Variants in EIF3A observed in about 807,000 individuals in gnomAD.
EIF3A encodes eukaryotic translation initiation factor 3 subunit A, also known as EIF3, p180 subunit.
A neutral mutation model predicts 186.6 loss-of-function variants in EIF3A; 21 were observed. The ratio of observed to expected loss-of-function variants is 0.11; its 90% confidence interval spans 0.08 to 0.16. EIF3A has a LOEUF of 0.16. EIF3A is among the 10% of genes least tolerant of loss of function. The probability of loss-of-function intolerance (pLI) is 1.00; values close to 1 mark genes in which losing one functional copy is unlikely to be tolerated. For missense variants in EIF3A, 1,306 were observed against 1,796.3 expected (o/e 0.73, Z 4.93); for synonymous variants, 563 against 584.3 (o/e 0.96, Z 0.52).
intron 14 of EIF3A, among the ~76,000 whole-genome samples, chr10:119,052,694 T>A (rs1848375606): frequency 2.0e-5 from 3 of 152,090 alleles, no homozygotes; most frequent in African/African-American, 7.2e-5. Context: ...TAACTCTACT[T>A]CTCTTGCTGT....
rs1036918317 is a variant in EIF3A at position 119,060,568 on chromosome 10, C to T, written c.1326+178G>A. 3.9e-5 allele frequency among the ~76,000 whole-genome samples: 6 copies of T among 152,146 alleles called. No individual in the cohort carries two copies. In the South Asian group the frequency reaches 1.0e-3, roughly 26 times the overall value. On this transcript the variant is annotated intron_variant, in intron 9 of 21. Coordinates refer to ENST00000369144, the MANE Select transcript of EIF3A (RefSeq NM_003750.4). The stretch of plus-strand genomic sequence containing the variant: ...TGTTCAGCCAAAAAACAAAAGCGTC[C>T]GTTACAAAATATGTAAATATAATAA...
chr10:119,066,831 A>C (rs1339857748), intron 6 of EIF3A, among the ~76,000 whole-genome samples: 1 of 152,186 alleles, frequency 6.6e-6, no homozygotes, highest in Admixed American at 6.5e-5. Flanking sequence ...ATAATGTACT[A>C]AGAGCTAGAC....
At chr10:119,073,414 CATTT>C (rs779671604) in intron 3 of EIF3A, 23 bp downstream of exon 3, 1 of 1,509,090 alleles carries the variant, frequency 6.6e-7, no homozygotes, top group Non-Finnish European at 9.0e-7. Context: ...ACTATCAAAG[CATTT>C]ATTAGAGGTC....
At chr10:119,063,072 G>GT (rs776505852) in intron 7 of EIF3A, among the ~76,000 whole-genome samples, 1 of 152,004 alleles carries the variant, frequency 6.6e-6, no homozygotes, top group Non-Finnish European at 1.5e-5. Flanking sequence ...CTTTAACAAG[G>GT]TGACGTGGAT....
intron 17 of EIF3A, among the ~76,000 whole-genome samples, chr10:119,045,847 G>A (rs1342283034): frequency 6.6e-6 from 1 of 152,176 alleles, no homozygotes; most frequent in African/African-American, 2.4e-5. Flanking sequence ...GATTATAGGC[G>A]TGAACCAATG....
intron 1 of EIF3A, among the ~76,000 whole-genome samples, chr10:119,076,382 T>C (rs570472383): frequency 1.1e-4 from 16 of 151,866 alleles, no homozygotes; most frequent in Non-Finnish European, 1.8e-4. Flanking sequence ...AAATAAATCT[T>C]TGTACAATAC....
rs780801273 is a variant in EIF3A at position 119,072,840 on chromosome 10, C to T, written c.541+50G>A. The T allele has an allele frequency of 1.9e-6, 3 of 1,554,470 alleles. No individual in the cohort carries two copies. In the Middle Eastern group the frequency reaches 5.2e-4, roughly 269 times the overall value. On this transcript the variant is annotated intron_variant, in intron 4 of 21. Transcript: ENST00000369144. ...TTAAGTACTTTTCAGAAAATTTACT[C>T]CTCAGTCAATTTCAAAGCACTTCAC... is the stretch of plus-strand genomic sequence containing the variant.
At chr10:119,076,980 C>G (rs1486579511) in intron 1 of EIF3A, among the ~76,000 whole-genome samples, 1 of 149,940 alleles carries the variant, frequency 6.7e-6, no homozygotes, top group Non-Finnish European at 1.5e-5. Context: ...ATTAGGCGTT[C>G]TTCATAACTA....
At chr10:119,080,428 C>G in intron 1 of EIF3A, 200 bp downstream of exon 1, 1 of 985,454 alleles carries the variant, frequency 1.0e-6, no homozygotes, top group Non-Finnish European at 1.2e-6. Flanking sequence ...CGGTTCCGGG[C>G]TACGCGCCTC....
chr10:119,080,346 G>A (rs1844244037), intron 1 of EIF3A: 1 of 985,346 alleles, frequency 1.0e-6, no homozygotes, highest in Non-Finnish European at 1.2e-6. Context: ...TCCGGGTAGG[G>A]GCTGTCTCCC....
chr10:119,057,101 C>T, intron 12 of EIF3A, 61 bp from the exon 13 acceptor site: 3 of 913,724 alleles, frequency 3.3e-6, no homozygotes, highest in Non-Finnish European at 5.2e-6. Flanking sequence ...CCTAACATAA[C>T]TCACTGCTTT....
At chr10:119,063,239 C>T (rs558389287) in intron 7 of EIF3A, among the ~76,000 whole-genome samples, 7 of 152,204 alleles carry the variant, frequency 4.6e-5, no homozygotes, top group South Asian at 2.1e-4. Context: ...GAAAGTTGAA[C>T]TCTGTGGGCA....
At chr10:119,059,941 A>G (rs10787901) in intron 9 of EIF3A, 445,055 of 584,956 alleles carry the variant, frequency 0.76, 174,875 homozygotes, top group East Asian at 0.88. Context: ...TTCAAATCCT[A>G]GTTGTTGTAA....
chr10:119,043,740 C>T (rs1051553777), intron 18 of EIF3A, among the ~76,000 whole-genome samples: 4 of 151,940 alleles, frequency 2.6e-5, no homozygotes, highest in Non-Finnish European at 4.4e-5. Context: ...GGCAACATGG[C>T]AAAACCCCAT....
Position 119,059,737 on chromosome 10 carries a change from G to A in EIF3A, c.1327-19C>T. ...GTGACACCTGCATAGAAAACAAAGG[G>A]TTAATAACACTAGCCACTGTTTATT... On this transcript the variant is annotated intron_variant, in intron 9 of 21. Coordinates refer to ENST00000369144, the MANE Select transcript of EIF3A (RefSeq NM_003750.4). 1 of 1,505,822 alleles carries A rather than the reference G, an allele frequency of 6.6e-7. No homozygotes were observed. Among genetic ancestry groups the A allele is most frequent in the Non-Finnish European group, 9.2e-7 (1 of 1,081,644 alleles). 93.3% of individuals were successfully genotyped at this position (1,505,822 alleles called of 1,614,324 possible).
At chr10:119,049,387 C>T (rs1848324468) in intron 17 of EIF3A, among the ~76,000 whole-genome samples, 1 of 149,666 alleles carries the variant, frequency 6.7e-6, no homozygotes, top group East Asian at 2.0e-4. Context: ...ACTTGGAAGA[C>T]TGAAGCAAGA....
At chr10:119,064,707 CTTTT>C (rs1265887105) in intron 7 of EIF3A, among the ~76,000 whole-genome samples, 1 of 151,998 alleles carries the variant, frequency 6.6e-6, no homozygotes, top group Non-Finnish European at 1.5e-5. Context: ...TCAGGTACTT[CTTTT>C]TTGTTTGTTT....
intron 6 of EIF3A, among the ~76,000 whole-genome samples, chr10:119,068,605 G>A (rs1226941714): frequency 1.3e-5 from 2 of 152,022 alleles, no homozygotes; most frequent in African/African-American, 4.8e-5. Flanking sequence ...GAACCCAGGA[G>A]GCGGAGTGAG....
intron 17 of EIF3A, among the ~76,000 whole-genome samples, chr10:119,044,849 AAAAAAT>A (rs1848260682): frequency 6.6e-6 from 1 of 152,332 alleles, no homozygotes; most frequent in Non-Finnish European, 1.5e-5. Context: ...CTCTGTCTCA[AAAAAAT>A]AAAAATAAAA....
Sources: gnomAD v4.1 joint callset for allele counts (sites outside exome capture counted in the v4.1 genomes callset) on GRCh38, gnomAD v4.1.1 for gene constraint, MANE v1.5 for transcripts, NCBI Gene and HGNC (gene_info 2026-07-23, HGNC 2026-07-21) for gene names.